Variants in NRCAM observed in about 807,000 individuals in gnomAD.
NRCAM encodes NgCAM-related cell adhesion molecule.
A neutral mutation model predicts 156.5 loss-of-function variants in NRCAM; 83 were observed. That is an observed-to-expected ratio of 0.53 (90% confidence interval 0.44 to 0.64). The LOEUF is 0.64. Ranked by LOEUF, NRCAM falls within the 30% of genes least tolerant of loss-of-function variation. The probability of loss-of-function intolerance (pLI) is 0.00; values close to 1 mark genes in which losing one functional copy is unlikely to be tolerated. For missense variants in NRCAM, 1,417 were observed against 1,597.3 expected, an observed-to-expected ratio of 0.89 and a Z score of 1.92; for synonymous variants, 538 against 563.9, an observed-to-expected ratio of 0.95 and a Z score of 0.65.
intron 3 of NRCAM, among the ~76,000 whole-genome samples, chr7:108,254,612 A>C (rs1224959953): frequency 1.4e-5 from 2 of 146,606 alleles, no homozygotes; most frequent in Non-Finnish European, 3.0e-5. Context: ...TAATAGCGTG[A>C]TCTCAGCTAA....
intron 2 of NRCAM, chr7:108,328,281 G>A (rs2099091226): frequency 6.6e-6 from 1 of 152,172 alleles, no homozygotes; most frequent in African/African-American, 2.4e-5. Context: ...AGCTGTTATA[G>A]ATGGAATACA....
intron 1 of NRCAM, among the ~76,000 whole-genome samples, chr7:108,455,148 G>GT: frequency 6.6e-6 from 1 of 152,288 alleles, no homozygotes; most frequent in African/African-American, 2.4e-5. Context: ...TTGCGGCCCT[G>GT]AGGACACCGC....
At chr7:108,166,721 A>C (rs935230783) in intron 30 of NRCAM, among the ~76,000 whole-genome samples, 200 bp downstream of exon 30, 2 of 152,216 alleles carry the variant, frequency 1.3e-5, no homozygotes, top group Non-Finnish European at 2.9e-5. Context: ...TAATGTGGCT[A>C]GATGATTTGC....
chr7:108,436,231 G>T (rs184544396), intron 1 of NRCAM, among the ~76,000 whole-genome samples: 5 of 141,466 alleles, frequency 3.5e-5, no homozygotes, highest in African/African-American at 1.3e-4. Flanking sequence ...GGGCTACAGA[G>T]ATTAAAAGAT....
chr7:108,207,696 T>A, intron 12 of NRCAM, 37 bp from the exon 13 acceptor site: 7 of 1,565,394 alleles, frequency 4.5e-6, no homozygotes, highest in Non-Finnish European at 6.1e-6. Flanking sequence ...AAAATCTGAA[T>A]CAAATAAGCA....
chr7:108,212,083 A>G (rs1444726879), intron 11 of NRCAM, among the ~76,000 whole-genome samples: 1 of 152,186 alleles, frequency 6.6e-6, no homozygotes, highest in Non-Finnish European at 1.5e-5. Flanking sequence ...TGTGCAAACA[A>G]ACTCCAATAG....
chr7:108,446,382 C>T (rs1006503588), intron 1 of NRCAM, among the ~76,000 whole-genome samples: 5 of 152,086 alleles, frequency 3.3e-5, no homozygotes, highest in Admixed American at 3.3e-4. Flanking sequence ...ACAAAACCCC[C>T]CAATTTTCCC....
At chr7:108,241,906 A>T (rs2095552506) in intron 3 of NRCAM, among the ~76,000 whole-genome samples, 1 of 152,206 alleles carries the variant, frequency 6.6e-6, no homozygotes, top group African/African-American at 2.4e-5. Context: ...TCCTAATAAC[A>T]TATTTTGCTA....
At chr7:108,167,604 A>G (rs775358590) in intron 29 of NRCAM, among the ~76,000 whole-genome samples, 8 of 152,232 alleles carry the variant, frequency 5.3e-5, no homozygotes, top group Non-Finnish European at 1.2e-4. Context: ...AAAGGCTTAA[A>G]CAGAAAGTTG....
intron 2 of NRCAM, among the ~76,000 whole-genome samples, chr7:108,376,527 G>A (rs1406871153): frequency 1.3e-5 from 2 of 152,172 alleles, no homozygotes; most frequent in African/African-American, 4.8e-5. Context: ...GTTAGTGTAA[G>A]GGGTTACAGC....
chr7:108,190,721 C>A (rs1171464464), intron 19 of NRCAM, among the ~76,000 whole-genome samples: 1 of 152,126 alleles, frequency 6.6e-6, no homozygotes, highest in Non-Finnish European at 1.5e-5. Flanking sequence ...TCCTTTTGGT[C>A]TTTCTTGAGT....
intron 11 of NRCAM, among the ~76,000 whole-genome samples, chr7:108,221,792 ACCACTAAATAACTTACT>A (rs1588916054): frequency 6.6e-6 from 1 of 152,096 alleles, no homozygotes; most frequent in East Asian, 1.9e-4. Flanking sequence ...CTCACAAATC[ACCACTAAATAACTTACT>A]CCACTAAATA....
chr7:108,277,687 T>A (rs963139454), intron 3 of NRCAM, among the ~76,000 whole-genome samples: 3 of 152,066 alleles, frequency 2.0e-5, no homozygotes, highest in Admixed American at 6.6e-5. Flanking sequence ...AGAACATGCT[T>A]CTTTAGCTCG....
chr7:108,267,092 A>C (rs190892486), intron 3 of NRCAM, among the ~76,000 whole-genome samples: 10 of 152,334 alleles, frequency 6.6e-5, no homozygotes, highest in African/African-American at 2.4e-4. Context: ...ACCCACACAC[A>C]CAGCAGATTG....
intron 2 of NRCAM, among the ~76,000 whole-genome samples, chr7:108,353,069 T>C (rs1399744962): frequency 6.9e-6 from 1 of 144,362 alleles, no homozygotes; most frequent in Non-Finnish European, 1.5e-5. Context: ...AAAAAAAAAA[T>C]CCAAACATTA....
intron 2 of NRCAM, among the ~76,000 whole-genome samples, chr7:108,361,979 C>T (rs905874287): frequency 4.6e-5 from 7 of 152,014 alleles, no homozygotes; most frequent in East Asian, 1.9e-4. Context: ...GAGTTGAAAA[C>T]GTATGTCAAC....
At chr7:108,367,188 C>A (rs1300522425) in intron 2 of NRCAM, among the ~76,000 whole-genome samples, 1 of 152,084 alleles carries the variant, frequency 6.6e-6, no homozygotes, top group Non-Finnish European at 1.5e-5. Flanking sequence ...AAGAAAGGTA[C>A]CTGCTTGGAT....
At chr7:108,386,137 T>C (rs1458692035) in intron 2 of NRCAM, among the ~76,000 whole-genome samples, 1 of 152,154 alleles carries the variant, frequency 6.6e-6, no homozygotes, top group East Asian at 1.9e-4. Context: ...AGACATGTTT[T>C]ATGAAGGAAG....
At chr7:108,254,985 T>C (rs1342372566) in intron 3 of NRCAM, among the ~76,000 whole-genome samples, 1 of 152,174 alleles carries the variant, frequency 6.6e-6, no homozygotes, top group Non-Finnish European at 1.5e-5. Flanking sequence ...TTTATAATAA[T>C]GAAAAATTGT....
Sources: allele counts gnomAD v4.1 joint callset (sites outside exome capture counted in the v4.1 genomes callset), GRCh38; gene constraint gnomAD v4.1.1; transcripts MANE v1.5; gene names NCBI Gene and HGNC (gene_info 2026-07-23, HGNC 2026-07-21).